The following ITGA3 variants were observed in gnomAD, a reference collection of about 807,000 sequenced individuals.
The protein encoded by ITGA3 is integrin alpha-3.
ITGA3 carries 70 observed loss-of-function variants against 131.1 expected under a neutral mutation model. The ratio of observed to expected loss-of-function variants is 0.53; its 90% CI spans 0.44 to 0.65. The LOEUF is 0.65. ITGA3 is among the 30% of genes least tolerant of loss of function. ITGA3 has a pLI of 0.00. For synonymous variants in ITGA3, 537 were observed against 571.6 expected (o/e 0.94, Z 0.86); for missense variants, 1,098 against 1,388.6 (o/e 0.79, Z 3.33).
At chr17:50,076,035 G>C (rs778738248) in intron 12 of ITGA3, among the ~76,000 whole-genome samples, 1 of 152,132 alleles carries the variant, frequency 6.6e-6, no homozygotes, top group Non-Finnish European at 1.5e-5. Flanking sequence ...AGGGAGCAAG[G>C]TCAGTCCCTC....
At chr17:50,075,335 C>A in intron 10 of ITGA3, 124 bp from the exon 11 acceptor site, 2 of 915,422 alleles carry the variant, frequency 2.2e-6, no homozygotes, top group South Asian at 2.9e-5. Context: ...GTGGACTCCC[C>A]AGTTTTGTCC....
chr17:50,065,703 T>TCTCTC (rs1372982181), intron 3 of ITGA3: 2 of 128,316 alleles, frequency 1.6e-5, no homozygotes, highest in African/African-American at 5.7e-5. Flanking sequence ...CTCTCTCTCT[T>TCTCTC]TTCTTTTCTT....
intron 10 of ITGA3, among the ~76,000 whole-genome samples, chr17:50,075,006 T>C (rs1908816452): frequency 6.6e-6 from 1 of 152,196 alleles, no homozygotes; most frequent in African/African-American, 2.4e-5. Context: ...ATACCCTAAG[T>C]GCTCAAAAAA....
Position 50,075,865 on chromosome 17 carries a change from G to A in ITGA3, c.1674+130G>A, listed in dbSNP as rs912687756. The A allele has an allele frequency of 1.4e-5, 13 of 923,066 alleles. No homozygotes were observed. The East Asian group carries it at 2.9e-4, about 20-fold the overall frequency. 57.2% of individuals were successfully genotyped at this position (923,066 alleles called of 1,614,324 possible). ...GAGGTTGGGGACATCGGTTTGGAAG[G>A]CTATTGGTGTGTAGGAGTACAGTGT... On this transcript the variant is annotated intron_variant, in intron 12 of 25. Coordinates refer to ENST00000320031, the MANE Select transcript of ITGA3 (RefSeq NM_002204.4).
At chr17:50,071,098 C>T (rs137894674) in intron 5 of ITGA3, among the ~76,000 whole-genome samples, 168 bp downstream of exon 5, 24 of 152,358 alleles carry the variant, frequency 1.6e-4, no homozygotes, top group African/African-American at 5.8e-4. Context: ...TCCCAAGATG[C>T]AAAGTTCTTG....
rs1471545317 is a variant in ITGA3, at chr17:50,074,125, C to T, written c.1246-19C>T. The T allele has an allele frequency of 6.2e-7, 1 of 1,611,046 alleles. No individual in the cohort carries two copies. The highest frequency in any genetic ancestry group is 1.1e-5 in the South Asian group (1 of 90,964). ...CCTGCTCCCCAGAGCCTGCCCCCAC[C>T]ACTTTCCCCTGCCCCCAGGTAATCC... On this transcript the variant is annotated intron_variant, in intron 8 of 25. Transcript: ENST00000320031.
At position 50,056,885 on chromosome 17, in the gene ITGA3, C is replaced by T. The variant is rs974737506; in HGVS notation, c.206+240C>T. ...GACGCCACCCCTCCGCCCTTTAGATCTCTCATGAGAGCGGAAGTGGGGTCC... is the reference window on the plus strand; with the variant it reads ...GACGCCACCCCTCCGCCCTTTAGATTTCTCATGAGAGCGGAAGTGGGGTCC... On this transcript the variant is annotated intron_variant, in intron 1 of 25. Coordinates refer to ENST00000320031, the MANE Select transcript of ITGA3 (RefSeq NM_002204.4). The surrounding 1 kb of genome is among the most constrained non-coding windows in gnomAD (Gnocchi z 5.6). 2.6e-5 allele frequency among the ~76,000 whole-genome samples: 4 copies of T among 152,132 alleles called. No homozygotes were observed. Among genetic ancestry groups the T allele is most frequent in the African/African-American group, 9.7e-5 (4 of 41,422 alleles).
At chr17:50,088,476 C>T (rs1909568360) in intron 25 of ITGA3, 110 bp downstream of exon 25, 3 of 607,008 alleles carry the variant, frequency 4.9e-6, no homozygotes, top group Admixed American at 2.8e-5. Context: ...TCATTCTGTC[C>T]CCACCACCAC....
intron 19 of ITGA3, 39 bp downstream of exon 19, chr17:50,078,965 G>A: frequency 2.0e-6 from 3 of 1,531,062 alleles, no homozygotes; most frequent in Non-Finnish European, 2.7e-6. Flanking sequence ...GGGACTTCTA[G>A]GAAGGATTAT....
chr17:50,079,550 CTG>C lies in ITGA3; in HGVS notation c.2702_2703del (p.Val901AlafsTer19), dbSNP rs1598194308. On this transcript the variant is annotated frameshift_variant, in exon 21 of 26. Transcript: ENST00000320031. LOFTEE classifies it high-confidence loss of function. ...GCTGCCAAAAAAGCCAAGTCTGAGA[CTG>C]TGCTGGTGAGTGGCCAGGGCGAGGT... 1 of 1,544,206 alleles carries C rather than the reference CTG, an allele frequency of 6.5e-7. No homozygotes were observed. The highest frequency in any genetic ancestry group is 1.2e-5 in the South Asian group (1 of 80,124).
At chr17:50,086,270 T>C (rs760292172) in intron 23 of ITGA3, 1 of 144,770 alleles carries the variant, frequency 6.9e-6, no homozygotes, top group Non-Finnish European at 1.5e-5. Flanking sequence ...TTATATATAT[T>C]ATACATGTAT....
intron 25 of ITGA3, 72 bp from the exon 26 acceptor site, chr17:50,089,038 A>G (rs1909591125): frequency 1.7e-6 from 2 of 1,185,052 alleles, no homozygotes; most frequent in Non-Finnish European, 2.5e-6. Context: ...GGAGAGGGAG[A>G]GGCCTGGCAC....
chr17:50,072,079 C>T lies in ITGA3; in HGVS notation c.1053C>T (p.Thr351=), dbSNP rs909749394. The T allele has an allele frequency of 2.5e-6, 4 of 1,613,980 alleles. No homozygotes were observed. The African/African-American group carries it at 5.3e-5, about 22-fold the overall frequency. The change falls in exon 7 of 26, where the codon ACC becomes ACT. Residue 351 remains threonine (T), a synonymous_variant. Transcript: ENST00000320031. The stretch of plus-strand genomic sequence containing the variant: ...ATGTCTTCATGAACCAGGCGGGAAC[C>T]TCCTTCCCTGCTCACCCCTCACTCC... ...AIYVFMNQAG[T]SFPAHPSLLL... is the part of the protein sequence containing the mutation.
intron 3 of ITGA3, among the ~76,000 whole-genome samples, chr17:50,067,118 A>G (rs1415279813): frequency 6.6e-6 from 1 of 152,160 alleles, no homozygotes; most frequent in Admixed American, 6.5e-5. Flanking sequence ...CATTCAACAG[A>G]TATTTGGTGA....
At position 50,074,158 on chromosome 17, in the gene ITGA3, G is replaced by T. The variant is rs770756249; in HGVS notation, c.1260G>T (p.Glu420Asp). 1.1e-5 allele frequency: 18 copies of T among 1,613,916 alleles called. No homozygotes were observed. Among genetic ancestry groups the T allele is most frequent in the Non-Finnish European group, 1.5e-5 (18 of 1,179,914 alleles). Residue 420 changes from glutamate (E) to aspartate (D), a missense_variant, in exon 9 of 26, where the codon GAG (glutamate) becomes GAT (aspartate). Glu to Asp is a conservative substitution (Grantham distance 45). This residue lies in a region of ITGA3 where 699 missense variants were observed against 829.2 expected (regional missense o/e 0.84). Coordinates refer to ENST00000320031, the MANE Select transcript of ITGA3 (RefSeq NM_002204.4). Reference protein sequence around the residue: ...LRQPQQVIHGEKLGLPGLATF... With the variant: ...LRQPQQVIHGDKLGLPGLATF... ...CCTGCCCCCAGGTAATCCATGGAGA[G>T]AAGCTGGGACTGCCTGGGTTGGCCA...
intron 25 of ITGA3, 81 bp downstream of exon 25, chr17:50,088,447 T>A (rs1909567578): frequency 1.4e-6 from 1 of 719,036 alleles, no homozygotes; most frequent in Admixed American, 2.3e-5. Context: ...TCCTCTTCCC[T>A]TATGGGCCTG....
intron 6 of ITGA3, chr17:50,071,724 ATT>A (rs1908642036): frequency 3.9e-5 from 24 of 622,418 alleles, no homozygotes; most frequent in Middle Eastern, 4.3e-4. Flanking sequence ...TCTGCTTGGG[ATT>A]TGTATGCTCC....
chr17:50,085,004 G>A (rs1334979656), intron 23 of ITGA3, among the ~76,000 whole-genome samples: 2 of 152,066 alleles, frequency 1.3e-5, no homozygotes, highest in African/African-American at 4.8e-5. Context: ...CCTGAGGTCA[G>A]GAGTTCGAGA....
chr17:50,075,142 C>A (rs775875649), intron 10 of ITGA3, among the ~76,000 whole-genome samples: 38 of 152,134 alleles, frequency 2.5e-4, no homozygotes, highest in Non-Finnish European at 4.3e-4. Context: ...TGCAAGGAGA[C>A]CTGGACTGGG....
Sources: allele counts gnomAD v4.1 joint callset (sites outside exome capture counted in the v4.1 genomes callset), GRCh38; gene constraint gnomAD v4.1.1; regional missense constraint gnomAD v4.1.1; non-coding constraint Gnocchi (gnomAD v3.1); transcripts MANE v1.5; gene names NCBI Gene and HGNC (gene_info 2026-07-23, HGNC 2026-07-21).